The following TAF12 variants were observed in gnomAD, a reference collection of about 807,000 sequenced individuals.
TAF12 encodes the protein TATA-box binding protein associated factor 12.
In TAF12, 3 loss-of-function variants were observed where a neutral mutation model predicts 20.8. The observed-to-expected ratio is 0.14, with a 90% CI of 0.07 to 0.37. TAF12 has a LOEUF of 0.37. Among genes scored for constraint, TAF12 ranks in the 10% least tolerant of loss-of-function variants. The pLI, the probability that TAF12 is intolerant of heterozygous loss-of-function variation, is 1.00. For synonymous variants in TAF12, 69 were observed against 70.2 expected (o/e 0.98, Z 0.09); for missense variants, 131 against 197.9 (o/e 0.66, Z 2.03).
intron 5 of TAF12, 140 bp downstream of exon 5, chr1:28,605,230 CCT>C (rs1194478768): frequency 2.7e-6 from 2 of 752,246 alleles, no homozygotes; most frequent in Admixed American, 4.9e-5. Flanking sequence ...TGCCTCTTGC[CCT>C]CTCTGACCCT....
At chr1:28,643,780 T>A (rs528557092), upstream of TAF12, among the ~76,000 whole-genome samples, 1 of 152,220 alleles carries the variant, frequency 6.6e-6, no homozygotes, top group African/African-American at 2.4e-5. Flanking sequence ...ACTGCTGTTA[T>A]GTGGCTCACG....
intron 3 of TAF12, 123 bp from the exon 4 acceptor site, chr1:28,613,484 A>G: frequency 3.8e-6 from 3 of 789,672 alleles, no homozygotes; most frequent in Non-Finnish European, 6.0e-6. Context: ...GGCTGGAATC[A>G]GCATTTGGGC....
chr1:28,642,603 C>T (rs1165049634), intron 1 of TAF12: 14 of 980,788 alleles, frequency 1.4e-5, no homozygotes, highest in African/African-American at 1.7e-5. Context: ...CGGGTCTTCA[C>T]TGTCCCGCTT....
chr1:28,612,505 TAAA>T (rs61185319), intron 4 of TAF12, among the ~76,000 whole-genome samples: 95 of 145,926 alleles, frequency 6.5e-4, no homozygotes, highest in African/African-American at 2.3e-3. Flanking sequence ...CAAATATATA[TAAA>T]AATTATATAT....
chr1:28,617,538 C>A (rs1295359088), intron 3 of TAF12, among the ~76,000 whole-genome samples: 1 of 151,756 alleles, frequency 6.6e-6, no homozygotes, highest in Non-Finnish European at 1.5e-5. Flanking sequence ...ACTCCGCCTC[C>A]CAGGTTCACT....
chr1:28,628,676 A>T (rs762048853), intron 1 of TAF12, among the ~76,000 whole-genome samples: 2 of 133,454 alleles, frequency 1.5e-5, no homozygotes, highest in Admixed American at 7.4e-5. Flanking sequence ...TAAAGACTTT[A>T]AAAAAAAAAA....
intron 3 of TAF12, among the ~76,000 whole-genome samples, chr1:28,614,044 C>G (rs1384047512): frequency 6.6e-6 from 1 of 151,224 alleles, no homozygotes; most frequent in African/African-American, 2.4e-5. Flanking sequence ...TTGAGACCAT[C>G]CTGGCCAACA....
At chr1:28,608,002 T>C (rs1443835603) in intron 4 of TAF12, among the ~76,000 whole-genome samples, 2 of 151,824 alleles carry the variant, frequency 1.3e-5, no homozygotes, top group East Asian at 1.9e-4. Context: ...CCAAGAGTGA[T>C]GGTGAGTGCC....
At position 28,625,129 on chromosome 1, in the gene TAF12, A is replaced by C. The variant is rs560253851; in HGVS notation, c.-84-2964T>G. 1.5e-4 allele frequency among the ~76,000 whole-genome samples: 23 copies of C among 152,370 alleles called. 1 individual carries two copies. In the South Asian group the frequency reaches 4.1e-3, roughly 27 times the overall value. Reference sequence around the variant, plus strand: ...TCTAGCCTCACACTGAACATACTTTATCTCTCAAAAACATTCCCACAACCT... The same window carrying C: ...TCTAGCCTCACACTGAACATACTTTCTCTCTCAAAAACATTCCCACAACCT... On this transcript the variant is annotated intron_variant, in intron 1 of 5. Transcript: ENST00000373824.
At chr1:28,647,874 A>C (rs1403129086), upstream of TAF12, among the ~76,000 whole-genome samples, 1 of 7,874 alleles carries the variant, frequency 1.3e-4, no homozygotes, top group Non-Finnish European at 3.4e-4. Context: ...ACTCCGTCTC[A>C]AAAAAAAAAA....
chr1:28,627,642 G>A (rs1233932753), intron 1 of TAF12, among the ~76,000 whole-genome samples: 13 of 124,364 alleles, frequency 1.0e-4, no homozygotes, highest in African/African-American at 3.2e-4. Context: ...GCAGTGAGCC[G>A]AGATCGCGCC....
intron 1 of TAF12, among the ~76,000 whole-genome samples, chr1:28,622,882 G>A (rs1202945428): frequency 6.6e-6 from 1 of 151,876 alleles, no homozygotes; most frequent in Non-Finnish European, 1.5e-5. Flanking sequence ...AATTGGCTAG[G>A]CGTAGTGGCA....
intron 4 of TAF12, among the ~76,000 whole-genome samples, chr1:28,611,814 G>A (rs1666870176): frequency 6.6e-6 from 1 of 152,122 alleles, no homozygotes; most frequent in Non-Finnish European, 1.5e-5. Flanking sequence ...GTAGCCCTAG[G>A]AAACTAGTAT....
At chr1:28,633,403 G>C (rs1667706345) in intron 1 of TAF12, among the ~76,000 whole-genome samples, 1 of 149,550 alleles carries the variant, frequency 6.7e-6, no homozygotes, top group South Asian at 2.1e-4. Context: ...CCCGACCTCA[G>C]GTGATCCACC....
chr1:28,628,940 C>T (rs997441465), intron 1 of TAF12, among the ~76,000 whole-genome samples: 5 of 152,292 alleles, frequency 3.3e-5, no homozygotes, highest in Admixed American at 6.5e-5. Flanking sequence ...GGCGCGTTGG[C>T]GGGCGCCTGT....
chr1:28,605,320 G>T (rs768719907), intron 5 of TAF12, 52 bp downstream of exon 5: 3 of 1,588,506 alleles, frequency 1.9e-6, no homozygotes, highest in Non-Finnish European at 2.6e-6. Context: ...ACTCTGAGAC[G>T]TAACTCAAGG....
chr1:28,624,611 G>A (rs1463242570), intron 1 of TAF12, among the ~76,000 whole-genome samples: 1 of 152,116 alleles, frequency 6.6e-6, no homozygotes, highest in African/African-American at 2.4e-5. Context: ...GCCAGGCATG[G>A]TGGCACGTGC....
At chr1:28,644,063 AAG>A (rs1020202378), upstream of TAF12, among the ~76,000 whole-genome samples, 3 of 151,872 alleles carry the variant, frequency 2.0e-5, no homozygotes, top group African/African-American at 4.8e-5. Context: ...AAAAAAAAAA[AAG>A]AGAACAGCTG....
intron 1 of TAF12, among the ~76,000 whole-genome samples, chr1:28,641,024 T>C (rs541570562): frequency 2.0e-5 from 3 of 151,940 alleles, no homozygotes; most frequent in Non-Finnish European, 4.4e-5. Flanking sequence ...ACTATGATTA[T>C]GCCACTGCAC....
Sources: allele counts gnomAD v4.1 joint callset (sites outside exome capture counted in the v4.1 genomes callset), GRCh38; gene constraint gnomAD v4.1.1; transcripts MANE v1.5; gene names NCBI Gene and HGNC (gene_info 2026-07-23, HGNC 2026-07-21).